The following ZNF827 variants were observed in gnomAD, a reference collection of about 807,000 sequenced individuals.
ZNF827 encodes the protein zinc finger protein 827.
ZNF827 carries 13 observed loss-of-function variants against 102.4 expected under a neutral mutation model. The ratio of observed to expected loss-of-function variants is 0.13; its 90% CI spans 0.08 to 0.20. ZNF827 has a LOEUF of 0.20. ZNF827 is among the 10% of genes least tolerant of loss of function. ZNF827 has a pLI of 1.00. For synonymous variants in ZNF827, 523 were observed against 536.2 expected, an observed-to-expected ratio of 0.98 and a Z score of 0.34; for missense variants, 1,103 against 1,344.4, an observed-to-expected ratio of 0.82 and a Z score of 2.81.
At chr4:145,793,912 G>C (rs1472682870) in intron 8 of ZNF827, among the ~76,000 whole-genome samples, 1 of 152,104 alleles carries the variant, frequency 6.6e-6, no homozygotes, top group East Asian at 1.9e-4. Context: ...TAAGCTAATT[G>C]CTTGCCTAAG....
chr4:145,911,886 C>T (rs918901538), intron 1 of ZNF827, among the ~76,000 whole-genome samples: 1 of 152,198 alleles, frequency 6.6e-6, no homozygotes, highest in East Asian at 1.9e-4. Context: ...CATGAAAACA[C>T]ATCTGGAGCT....
chr4:145,903,555 GA>G (rs1751596601), intron 1 of ZNF827, among the ~76,000 whole-genome samples: 1 of 152,146 alleles, frequency 6.6e-6, no homozygotes, highest in Non-Finnish European at 1.5e-5. Flanking sequence ...ATATCCTTGT[GA>G]AAAACCAGCA....
intron 7 of ZNF827, among the ~76,000 whole-genome samples, chr4:145,841,314 A>G (rs1436323557): frequency 6.6e-6 from 1 of 152,188 alleles, no homozygotes; most frequent in Non-Finnish European, 1.5e-5. Flanking sequence ...GTGATGGTCC[A>G]TGTCAAAGGA....
chr4:145,921,974 A>G (rs1753101421), intron 1 of ZNF827, among the ~76,000 whole-genome samples: 1 of 152,248 alleles, frequency 6.6e-6, no homozygotes, highest in South Asian at 2.1e-4. Context: ...CTGATGAGTT[A>G]TTGAAAACAT....
At chr4:145,824,633 TA>T (rs1467729282) in intron 7 of ZNF827, among the ~76,000 whole-genome samples, 1 of 152,118 alleles carries the variant, frequency 6.6e-6, no homozygotes, top group African/African-American at 2.4e-5. Context: ...GGCTCTACCT[TA>T]ATCCCCTCCC....
At chr4:145,862,938 T>A (rs1747871349) in intron 5 of ZNF827, among the ~76,000 whole-genome samples, 1 of 152,112 alleles carries the variant, frequency 6.6e-6, no homozygotes, top group South Asian at 2.1e-4. Context: ...GCAAATAATA[T>A]CATTAAGAAA....
chr4:145,803,717 T>G (rs945192223), intron 8 of ZNF827, among the ~76,000 whole-genome samples: 2 of 152,174 alleles, frequency 1.3e-5, no homozygotes. Context: ...TCTAGAACTT[T>G]AATAGAGCTG....
At chr4:145,776,092 G>T in intron 9 of ZNF827, 132 bp from the exon 10 acceptor site, 1 of 1,001,158 alleles carries the variant, frequency 1.0e-6, no homozygotes, top group Non-Finnish European at 1.5e-6. Flanking sequence ...CAATGGTAAT[G>T]CCTAGGAATT....
chr4:145,781,137 A>T (rs1430121869), intron 8 of ZNF827, among the ~76,000 whole-genome samples: 1 of 132,470 alleles, frequency 7.5e-6, no homozygotes, highest in Non-Finnish European at 1.6e-5. Flanking sequence ...TGGAGGTTGC[A>T]GTGAGCCGAG....
At chr4:145,796,912 T>G (rs1325789562) in intron 8 of ZNF827, among the ~76,000 whole-genome samples, 1 of 152,220 alleles carries the variant, frequency 6.6e-6, no homozygotes, top group Non-Finnish European at 1.5e-5. Context: ...ATTACTGGCA[T>G]GAGCCAGCGT....
chr4:145,937,703 T>TCCG (rs1398348054), intron 1 of ZNF827, among the ~76,000 whole-genome samples: 1 of 51,540 alleles, frequency 1.9e-5, no homozygotes, highest in African/African-American at 7.2e-5. Flanking sequence ...ACTCCCCTCC[T>TCCG]CCGCCGCCGC....
At chr4:145,813,155 G>A (rs936592954) in intron 8 of ZNF827, among the ~76,000 whole-genome samples, 21 of 152,026 alleles carry the variant, frequency 1.4e-4, no homozygotes, top group African/African-American at 2.4e-5. Flanking sequence ...ATCACCAAAA[G>A]CAGATGATCC....
chr4:145,906,782 G>C (rs577445680), intron 1 of ZNF827, among the ~76,000 whole-genome samples: 2 of 152,172 alleles, frequency 1.3e-5, no homozygotes, highest in Non-Finnish European at 2.9e-5. Context: ...ACTGTTTGTG[G>C]CTCCTAAAAT....
chr4:145,805,964 C>T (rs1242253936), intron 8 of ZNF827, among the ~76,000 whole-genome samples: 1 of 151,956 alleles, frequency 6.6e-6, no homozygotes, highest in Non-Finnish European at 1.5e-5. Flanking sequence ...CCCAAACCCC[C>T]TCTTTCCCTT....
chr4:145,938,074 G>A (rs1470975431), intron 1 of ZNF827, among the ~76,000 whole-genome samples: 2 of 150,824 alleles, frequency 1.3e-5, no homozygotes, highest in African/African-American at 4.9e-5. Flanking sequence ...GAGTGAGGAG[G>A]GGGAAGGGGA....
At chr4:145,873,925 T>C (rs1371112043) in intron 4 of ZNF827, among the ~76,000 whole-genome samples, 1 of 152,214 alleles carries the variant, frequency 6.6e-6, no homozygotes, top group African/African-American at 2.4e-5. Context: ...GGAAGAACAA[T>C]TTAAAGTGAA....
At chr4:145,787,203 G>A (rs1260914504) in intron 8 of ZNF827, among the ~76,000 whole-genome samples, 1 of 152,190 alleles carries the variant, frequency 6.6e-6, no homozygotes, top group Non-Finnish European at 1.5e-5. Context: ...AGTGGCTCAG[G>A]CCTGTAATCC....
At position 145,759,849 on chromosome 4, in the gene ZNF827, C is replaced by T. The variant is rs1314960933; in HGVS notation, c.*1767G>A. On this transcript the variant is annotated 3_prime_UTR_variant, in exon 15 of 15. Transcript: ENST00000508784. ...TCAACCATAAATTTTTTCACCCATACATTTCTTTTTCCTGCAAACAAATGG... is the reference window on the plus strand; with the variant it reads ...TCAACCATAAATTTTTTCACCCATATATTTCTTTTTCCTGCAAACAAATGG... The T allele has an allele frequency of 1.3e-5, 2 of 152,116 alleles. No individual in the cohort carries two copies. The highest frequency in any genetic ancestry group is 4.8e-5 in the African/African-American group (2 of 41,422). The allele number at this position is 152,116 out of a possible 1,614,324, so 9.4% of individuals were successfully genotyped here.
chr4:145,794,985 C>T (rs1458990321), intron 8 of ZNF827, among the ~76,000 whole-genome samples: 1 of 152,150 alleles, frequency 6.6e-6, no homozygotes, highest in Non-Finnish European at 1.5e-5. Context: ...TGCTGTCTAG[C>T]CAAGGCTGCT....
Sources: gnomAD v4.1 joint callset for allele counts (sites outside exome capture counted in the v4.1 genomes callset) on GRCh38, gnomAD v4.1.1 for gene constraint, MANE v1.5 for transcripts, NCBI Gene and HGNC (gene_info 2026-07-23, HGNC 2026-07-21) for gene names.